The following ZRANB1 variants were observed in gnomAD, a reference collection of about 807,000 sequenced individuals.
ZRANB1 encodes ubiquitin thioesterase ZRANB1.
In ZRANB1, 16 loss-of-function variants were observed where a neutral mutation model predicts 80.5. The observed-to-expected ratio is 0.20, with a 90% CI of 0.13 to 0.30. The LOEUF (loss-of-function observed/expected upper bound fraction) is 0.30, where lower values mean the gene tolerates loss of function less well. Ranked by LOEUF, ZRANB1 falls within the 10% of genes least tolerant of loss-of-function variation. The probability of loss-of-function intolerance (pLI) is 1.00; values close to 1 mark genes in which losing one functional copy is unlikely to be tolerated. For synonymous variants in ZRANB1, 291 were observed against 293.1 expected (o/e 0.99, Z 0.07); for missense variants, 576 against 862.6 (o/e 0.67, Z 4.16).
intron 1 of ZRANB1, among the ~76,000 whole-genome samples, chr10:124,946,846 C>T (rs1227293905): frequency 6.6e-6 from 1 of 152,122 alleles, no homozygotes; most frequent in African/African-American, 2.4e-5. Context: ...CTTTACGTCC[C>T]TTTTCTGCCT....
intron 1 of ZRANB1, among the ~76,000 whole-genome samples, chr10:124,958,350 A>T (rs1380632013): frequency 6.6e-6 from 1 of 152,156 alleles, no homozygotes; most frequent in Non-Finnish European, 1.5e-5. Context: ...CAAGAGTTTG[A>T]TGCTGCAGGG....
At chr10:124,921,553 C>T in the ZRANB1 span, among the ~76,000 whole-genome samples, 1 of 152,148 alleles carries the variant, frequency 6.6e-6, no homozygotes, top group South Asian at 2.1e-4. Flanking sequence ...TGGCACTAAA[C>T]CATCTTGACT....
the ZRANB1 span, among the ~76,000 whole-genome samples, chr10:124,929,199 T>C: frequency 6.6e-6 from 1 of 152,146 alleles, no homozygotes; most frequent in Non-Finnish European, 1.5e-5. Context: ...ATCTGTTTTG[T>C]AGCCTGATAA....
intron 5 of ZRANB1, among the ~76,000 whole-genome samples, chr10:124,978,968 G>A (rs1951908210): frequency 6.6e-6 from 1 of 151,996 alleles, no homozygotes; most frequent in Non-Finnish European, 1.5e-5. Context: ...GGAAGCTGAG[G>A]CTGGAGGATT....
At chr10:124,973,382 C>A (rs1951844118) in intron 3 of ZRANB1, among the ~76,000 whole-genome samples, 1 of 152,150 alleles carries the variant, frequency 6.6e-6, no homozygotes, top group Non-Finnish European at 1.5e-5. Flanking sequence ...GGCTCAGAAT[C>A]CTGAGTTCAA....
At position 124,985,292 on chromosome 10, in the gene ZRANB1, ATTGT is replaced by A. The variant is rs1321108771; in HGVS notation, c.*303_*306del. On this transcript the variant is annotated 3_prime_UTR_variant, in exon 9 of 9. Coordinates refer to ENST00000359653, the MANE Select transcript of ZRANB1 (RefSeq NM_017580.3). ...TGTAACGCATGTGGTTGTGTAAGAC[ATTGT>A]TTAATAGGAAAAGTTGTACCAGCAT... 2.4e-5 allele frequency: 6 copies of A among 250,012 alleles called. No homozygotes were observed. The highest frequency in any genetic ancestry group is 7.5e-5 in the East Asian group (1 of 13,366). The allele number at this position is 250,012 out of a possible 1,614,324, so 15.5% of individuals were successfully genotyped here. A position where few individuals can be genotyped will look rare whatever the true frequency, so the allele number is the denominator to read the frequency against.
In ZRANB1 at chr10:124,988,063, A is replaced by G. The variant is rs1952114630; in HGVS notation, c.*3071A>G. 6.8e-6 allele frequency: 1 copy of G among 147,062 alleles called. No individual in the cohort carries two copies. Among genetic ancestry groups the G allele is most frequent in the East Asian group, 2.0e-4 (1 of 4,928 alleles). 9.1% of individuals were successfully genotyped at this position (147,062 alleles called of 1,614,324 possible). On this transcript the variant is annotated 3_prime_UTR_variant, in exon 9 of 9. Transcript: ENST00000359653. Reference sequence around the variant, plus strand: ...AAGTCAGAACTCTAAAAGTTGAGCAACTTTGTTTTTTTTTGAATTGATTTA... The same window carrying G: ...AAGTCAGAACTCTAAAAGTTGAGCAGCTTTGTTTTTTTTTGAATTGATTTA...
chr10:124,978,793 A>ATTTTTTTTTTTTTTTTTTTTTT (rs35714295), intron 5 of ZRANB1, among the ~76,000 whole-genome samples: 2 of 115,440 alleles, frequency 1.7e-5, no homozygotes, highest in Non-Finnish European at 3.6e-5. Flanking sequence ...TTCCCAGCTA[A>ATTTTTTTTTTTTTTTTTTTTTT]TTTTTTTTTT....
intron 3 of ZRANB1, among the ~76,000 whole-genome samples, chr10:124,973,179 G>T (rs1302023306): frequency 6.6e-6 from 1 of 152,060 alleles, no homozygotes; most frequent in Non-Finnish European, 1.5e-5. Flanking sequence ...TTGAGACAGG[G>T]TCTTACTCTA....
the ZRANB1 span, among the ~76,000 whole-genome samples, chr10:124,932,861 T>C: frequency 6.6e-6 from 1 of 152,048 alleles, no homozygotes; most frequent in Non-Finnish European, 1.5e-5. Flanking sequence ...CCCCCCTGCA[T>C]TTGAAAAGAT....
At chr10:124,927,450 CTT>C in the ZRANB1 span, among the ~76,000 whole-genome samples, 29 of 152,238 alleles carry the variant, frequency 1.9e-4, no homozygotes, top group South Asian at 4.1e-3. Context: ...ATCCTTTCCT[CTT>C]TTGTTTGTGG....
chr10:124,959,026 A>G (rs1186591709), intron 1 of ZRANB1, among the ~76,000 whole-genome samples: 1 of 152,146 alleles, frequency 6.6e-6, no homozygotes, highest in Admixed American at 6.5e-5. Flanking sequence ...TTGTTCATTC[A>G]TTCATGCATT....
intron 1 of ZRANB1, among the ~76,000 whole-genome samples, chr10:124,949,521 ACATT>A (rs1182265936): frequency 8.4e-6 from 1 of 119,738 alleles, no homozygotes; most frequent in African/African-American, 2.9e-5. Context: ...ACACACACAC[ACATT>A]TTTTTTTTTT....
chr10:124,951,844 C>T (rs1431776844), intron 1 of ZRANB1, among the ~76,000 whole-genome samples: 1 of 152,064 alleles, frequency 6.6e-6, no homozygotes, highest in African/African-American at 2.4e-5. Flanking sequence ...GTAATCCCAG[C>T]TACTTGGGAG....
At chr10:124,948,916 C>G (rs112355702) in intron 1 of ZRANB1, among the ~76,000 whole-genome samples, 1 of 152,152 alleles carries the variant, frequency 6.6e-6, no homozygotes, top group East Asian at 1.9e-4. Context: ...TTATCCTACT[C>G]CTCCTATGAA....
intron 1 of ZRANB1, among the ~76,000 whole-genome samples, chr10:124,950,651 T>C (rs973015672): frequency 1.4e-4 from 21 of 152,278 alleles, no homozygotes; most frequent in African/African-American, 2.9e-4. Flanking sequence ...GAGTGCCAAG[T>C]GTAACTCTAG....
chr10:124,950,133 C>G (rs1474505380), intron 1 of ZRANB1, among the ~76,000 whole-genome samples: 1 of 151,990 alleles, frequency 6.6e-6, no homozygotes, highest in Non-Finnish European at 1.5e-5. Flanking sequence ...AACTAATTAA[C>G]TTTTTTGAGG....
Position 124,966,655 on chromosome 10 carries a change from A to C in ZRANB1, c.876A>C (p.Ala292=). The C allele has an allele frequency of 6.2e-7, 1 of 1,614,220 alleles. No individual in the cohort carries two copies. Among genetic ancestry groups the C allele is most frequent in the Non-Finnish European group, 8.5e-7 (1 of 1,180,042 alleles). The change falls in exon 2 of 9, where the codon GCA becomes GCC. Residue 292 remains alanine (A), a synonymous_variant. Transcript: ENST00000359653. ...EAYKSSGGDI[A]RQLTADEVRL... is the part of the protein sequence containing the mutation. ...ACAAGTCATCAGGAGGAGACATTGCACGTCAGCTCACCGCAGATGAAGTAC... is the reference window on the plus strand; with the variant it reads ...ACAAGTCATCAGGAGGAGACATTGCCCGTCAGCTCACCGCAGATGAAGTAC...
the ZRANB1 span, among the ~76,000 whole-genome samples, chr10:124,936,376 G>T: frequency 6.6e-6 from 1 of 152,196 alleles, no homozygotes; most frequent in Non-Finnish European, 1.5e-5. Context: ...CCACTAGAAA[G>T]AATCTGTGGG....
Sources: allele counts gnomAD v4.1 joint callset (sites outside exome capture counted in the v4.1 genomes callset), GRCh38; gene constraint gnomAD v4.1.1; transcripts MANE v1.5; gene names NCBI Gene and HGNC (gene_info 2026-07-23, HGNC 2026-07-21).